Variants in HSPH1 observed in about 807,000 individuals in gnomAD.
HSPH1 encodes the protein heat shock protein family H (Hsp110) member 1.
A neutral mutation model predicts 100.0 loss-of-function variants in HSPH1; 40 were observed. The observed-to-expected ratio is 0.40, with a 90% CI of 0.31 to 0.52. The LOEUF (loss-of-function observed/expected upper bound fraction) is 0.52. HSPH1 is among the 20% of genes least tolerant of loss of function. HSPH1 has a pLI of 0.54. For synonymous variants in HSPH1, 403 were observed against 344.0 expected (o/e 1.17, Z -1.90); for missense variants, 876 against 1,015.1 (o/e 0.86, Z 1.86).
At chr13:31,156,600 T>G (rs1956705768) in intron 2 of HSPH1, among the ~76,000 whole-genome samples, 2 of 152,038 alleles carry the variant, frequency 1.3e-5, no homozygotes, top group African/African-American at 4.8e-5. Flanking sequence ...TTTTATAGTC[T>G]AATAAATTGC....
intron 1 of HSPH1, among the ~76,000 whole-genome samples, chr13:31,159,253 T>C (rs1413338382): frequency 2.0e-5 from 3 of 152,364 alleles, no homozygotes; most frequent in African/African-American, 2.4e-5. Flanking sequence ...CAAATCTAAA[T>C]GTCATTGTCA....
At chr13:31,141,371 A>T (rs1412655695) in intron 12 of HSPH1, 112 bp from the exon 13 acceptor site, 1 of 888,934 alleles carries the variant, frequency 1.1e-6, no homozygotes. Context: ...AATCTCTAAA[A>T]ATCATAAAGT....
chr13:31,160,120 T>G (rs552853526), intron 1 of HSPH1, among the ~76,000 whole-genome samples: 2 of 152,248 alleles, frequency 1.3e-5, no homozygotes, highest in South Asian at 4.1e-4. Flanking sequence ...CAGTAGTCCC[T>G]GTATAACACA....
At position 31,135,430 on chromosome 13, in the gene HSPH1, A is replaced by G. The variant is rs922157398; in HGVS notation, c.*1888T>C. ...CAGAAAACATAAAAACCAAAGAAAC[A>G]TATTAACTGCATAAAAATTTAAAGT... On this transcript the variant is annotated 3_prime_UTR_variant, in exon 18 of 18. Coordinates refer to ENST00000320027, the MANE Select transcript of HSPH1 (RefSeq NM_006644.4). 1 of 152,264 alleles carries G rather than the reference A, an allele frequency of 6.6e-6. No individual in the cohort carries two copies. Among genetic ancestry groups the G allele is most frequent in the African/African-American group, 2.4e-5 (1 of 41,482 alleles). 9.4% of individuals were successfully genotyped at this position (152,264 alleles called of 1,614,324 possible).
intron 4 of HSPH1, among the ~76,000 whole-genome samples, chr13:31,153,344 T>C (rs1293158878): frequency 6.6e-6 from 1 of 152,230 alleles, no homozygotes; most frequent in Non-Finnish European, 1.5e-5. Context: ...CAACATTTAA[T>C]GTTCAACATA....
chr13:31,162,285 G>T, upstream of HSPH1: 3 of 624,576 alleles, frequency 4.8e-6, no homozygotes, highest in Non-Finnish European at 8.4e-6. Flanking sequence ...GGCGGGCGGA[G>T]ACAGACCCCA....
Position 31,136,618 on chromosome 13 carries a change from T to C in HSPH1, c.*700A>G, listed in dbSNP as rs1322159503. 6 of 152,544 alleles carry C rather than the reference T, an allele frequency of 3.9e-5. No individual in the cohort carries two copies. Among genetic ancestry groups the C allele is most frequent in the African/African-American group, 9.7e-5 (4 of 41,426 alleles). The allele number at this position is 152,544 out of a possible 1,614,324, so 9.4% of individuals were successfully genotyped here. ...CTCATTTTTTAAATTAGTGACAAAA[T>C]CAACAGTTTAGAAATGACACCATAA... On this transcript the variant is annotated 3_prime_UTR_variant, in exon 18 of 18. Coordinates refer to ENST00000320027, the MANE Select transcript of HSPH1 (RefSeq NM_006644.4).
chr13:31,161,626 C>CCTCCGGCCCCCTGCCTGCTT lies in HSPH1; in HGVS notation c.-64_-45dup, dbSNP rs780798377. 1.4e-5 allele frequency: 22 copies of CCTCCGGCCCCCTGCCTGCTT among 1,604,072 alleles called. No individual in the cohort carries two copies. The highest frequency in any genetic ancestry group is 1.9e-5 in the Non-Finnish European group (22 of 1,178,810). The stretch of plus-strand genomic sequence containing the variant: ...CTCCGCCTCGGGTCTCGGTCTGCGT[C>CCTCCGGCCCCCTGCCTGCTT]CTCCGGCCCCCTGCCTGCTTCTCCT... On this transcript the variant is annotated 5_prime_UTR_variant, in exon 1 of 18. Coordinates refer to ENST00000320027, the MANE Select transcript of HSPH1 (RefSeq NM_006644.4).
In HSPH1 at chr13:31,136,587, CCTCAT is replaced by C. The variant is rs1433717894; in HGVS notation, c.*726_*730del. ...TTCTGCTAGAATAATTCATATTCTC[CCTCAT>C]CTCATTTTTTAAATTAGTGACAAAA... is the stretch of plus-strand genomic sequence containing the variant. On this transcript the variant is annotated 3_prime_UTR_variant, in exon 18 of 18. Coordinates refer to ENST00000320027, the MANE Select transcript of HSPH1 (RefSeq NM_006644.4). 2 of 152,158 alleles carry C rather than the reference CCTCAT, an allele frequency of 1.3e-5. No individual in the cohort carries two copies. Among genetic ancestry groups the C allele is most frequent in the Non-Finnish European group, 2.9e-5 (2 of 67,962 alleles). The allele number at this position is 152,158 out of a possible 1,614,324, so 9.4% of individuals were successfully genotyped here. A position where few individuals can be genotyped will look rare whatever the true frequency, so the allele number is the denominator to read the frequency against.
chr13:31,154,882 G>T (rs1227645418), intron 3 of HSPH1, 127 bp from the exon 4 acceptor site: 1 of 762,422 alleles, frequency 1.3e-6, no homozygotes, highest in Non-Finnish European at 2.0e-6. Context: ...AGTTGTTTTG[G>T]GAAGAAGGAA....
rs555176980 is a variant in HSPH1, at chr13:31,137,215, T to C, written c.*103A>G. ...ATATAATACACAAAATTTCTAAATATCCTTAAAAAAGAAAATATAAATAGT... is the reference window on the plus strand; with the variant it reads ...ATATAATACACAAAATTTCTAAATACCCTTAAAAAAGAAAATATAAATAGT... On this transcript the variant is annotated 3_prime_UTR_variant, in exon 18 of 18. Transcript: ENST00000320027. 124 of 786,916 alleles carry C rather than the reference T, an allele frequency of 1.6e-4. 1 individual carries two copies. In the South Asian group the frequency reaches 2.0e-3, roughly 13 times the overall value. The allele number at this position is 786,916 out of a possible 1,614,324, so 48.7% of individuals were successfully genotyped here.
upstream of HSPH1, chr13:31,161,936 G>A (rs767245180): frequency 5.9e-6 from 9 of 1,535,064 alleles, no homozygotes; most frequent in South Asian, 1.1e-4. Context: ...TCAGCCTTAT[G>A]TATCGCACTG....
At chr13:31,156,840 G>A (rs577313280) in intron 2 of HSPH1, among the ~76,000 whole-genome samples, 3 of 152,276 alleles carry the variant, frequency 2.0e-5, no homozygotes, top group Admixed American at 6.5e-5. Context: ...ACTGGCGCAC[G>A]TTTGTTAAAC....
rs1202866746 is a variant in HSPH1, at chr13:31,151,069, T to C, written c.786A>G (p.Ala262=). 4 of 1,613,810 alleles carry C rather than the reference T, an allele frequency of 2.5e-6. No individual in the cohort carries two copies. The highest frequency in any genetic ancestry group is 2.5e-6 in the Non-Finnish European group (3 of 1,179,828). Residue 262 remains alanine, a synonymous_variant, in exon 7 of 18, where the codon GCA becomes GCG. Transcript: ENST00000320027. ...CACATTCCTGATACAGACGTAGGAG[T>C]GCTCGTATTTTGGATTTTGCATCCA... is the stretch of plus-strand genomic sequence containing the variant. ...YKLDAKSKIR[A]LLRLYQECEK... is the part of the protein sequence containing the mutation.
At chr13:31,148,780 T>C (rs1337853933) in intron 8 of HSPH1, among the ~76,000 whole-genome samples, 1 of 152,118 alleles carries the variant, frequency 6.6e-6, no homozygotes, top group East Asian at 1.9e-4. Context: ...GCCTTGCTGA[T>C]AGCAATTTCA....
At chr13:31,161,937 T>C, upstream of HSPH1, 4 of 1,535,272 alleles carry the variant, frequency 2.6e-6, no homozygotes, top group Non-Finnish European at 1.7e-6. Flanking sequence ...CAGCCTTATG[T>C]ATCGCACTGA....
At position 31,140,174 on chromosome 13, in the gene HSPH1, T is replaced by A. The variant is rs1284533861; in HGVS notation, c.1980+10A>T. 3 of 1,608,818 alleles carry A rather than the reference T, an allele frequency of 1.9e-6. No homozygotes were observed. In the East Asian group the frequency reaches 6.7e-5, roughly 36 times the overall value. ...GACTATCTGAACAAAAACAGAGCTC[T>A]AAGACATACCTGCTCACATATAAAT... is the stretch of plus-strand genomic sequence containing the variant. On this transcript the variant is annotated intron_variant, in intron 14 of 17. Coordinates refer to ENST00000320027, the MANE Select transcript of HSPH1 (RefSeq NM_006644.4).
chr13:31,151,118 G>T lies in HSPH1; in HGVS notation c.737C>A (p.Ala246Glu), dbSNP rs575205660. The T allele has an allele frequency of 1.2e-6, 2 of 1,613,372 alleles. No homozygotes were observed. The highest frequency in any genetic ancestry group is 3.3e-5 in the Admixed American group (2 of 59,926). ...FDEKLVEHFC[A>E]EFKTKYKLDA... ...CAACTTGTACTTAGTTTTAAATTCT[G>T]CACAAAAATGTTCCACTAACTTTTC... Residue 246 changes from alanine to glutamate, a missense_variant, in exon 7 of 18, where the codon GCA (alanine) becomes GAA (glutamate). Coordinates refer to ENST00000320027, the MANE Select transcript of HSPH1 (RefSeq NM_006644.4).
intron 2 of HSPH1, among the ~76,000 whole-genome samples, chr13:31,157,565 G>A (rs1285883676): frequency 6.6e-6 from 1 of 152,090 alleles, no homozygotes; most frequent in South Asian, 2.1e-4. Flanking sequence ...TTTTTTAATA[G>A]GTCAGTACTA....
Sources: gnomAD v4.1 joint callset for allele counts (sites outside exome capture counted in the v4.1 genomes callset) on GRCh38, gnomAD v4.1.1 for gene constraint, MANE v1.5 for transcripts, NCBI Gene and HGNC (gene_info 2026-07-23, HGNC 2026-07-21) for gene names.